The following LMBRD1 variants were observed in gnomAD, a reference collection of about 807,000 sequenced individuals.
LMBRD1 encodes lysosomal cobalamin transport escort protein LMBD1.
Under a neutral mutation model 74.8 loss-of-function variants are expected in LMBRD1, and 64 were observed. The observed-to-expected ratio is 0.86, with a 90% CI of 0.70 to 1.05. The LOEUF (loss-of-function observed/expected upper bound fraction) is 1.05, where lower values mean the gene tolerates loss of function less well. LMBRD1 is among the 50% of genes least tolerant of loss of function. The probability of loss-of-function intolerance (pLI) is 0.00; values close to 1 mark genes in which losing one functional copy is unlikely to be tolerated. For missense variants in LMBRD1, 652 were observed against 645.9 expected (o/e 1.01, Z -0.10); for synonymous variants, 204 against 216.3 (o/e 0.94, Z 0.50).
At chr6:69,794,146 A>G (rs1293005752) in intron 1 of LMBRD1, among the ~76,000 whole-genome samples, 1 of 152,198 alleles carries the variant, frequency 6.6e-6, no homozygotes, top group Non-Finnish European at 1.5e-5. Flanking sequence ...ATAAATACTA[A>G]GATGCTATTT....
At chr6:69,716,239 T>C (rs1310539915) in intron 8 of LMBRD1, among the ~76,000 whole-genome samples, 3 of 152,198 alleles carry the variant, frequency 2.0e-5, no homozygotes, top group Non-Finnish European at 2.9e-5. Context: ...CTACCAACAG[T>C]GTTTAAGCCT....
intron 14 of LMBRD1, among the ~76,000 whole-genome samples, chr6:69,691,643 G>A (rs1243473711): frequency 2.6e-5 from 4 of 152,140 alleles, no homozygotes; most frequent in African/African-American, 9.7e-5. Flanking sequence ...TTGGGAGGCT[G>A]AGGCAGGCAG....
rs67075550 is a variant in LMBRD1 at position 69,691,147 on chromosome 6, C to CTTTTTTTTTTTTTTTT, written c.1417+6415_1417+6416insAAAAAAAAAAAAAAAA. On this transcript the variant is annotated intron_variant, in intron 14 of 15. Coordinates refer to ENST00000649934, the MANE Select transcript of LMBRD1 (RefSeq NM_018368.4). ...TAAAAAGCAGCAACGGCCTCTCTCT[C>CTTTTTTTTTTTTTTTT]TCTTTTTTTTTTTAACAATTTAAAG... 1.4e-5 allele frequency among the ~76,000 whole-genome samples: 2 copies of CTTTTTTTTTTTTTTTT among 138,526 alleles called. 1 individual carries two copies. The highest frequency in any genetic ancestry group is 3.0e-5 in the Non-Finnish European group (2 of 65,612). The allele number at this position is 138,526 out of a possible 152,430, so 90.9% of individuals were successfully genotyped here.
intron 14 of LMBRD1, among the ~76,000 whole-genome samples, chr6:69,689,165 G>C (rs1765827868): frequency 6.6e-6 from 1 of 152,090 alleles, no homozygotes; most frequent in South Asian, 2.1e-4. Flanking sequence ...GAGAAGGAAA[G>C]AAGTTCAATC....
Position 69,722,922 on chromosome 6 carries a change from T to C in LMBRD1, c.637-3841A>G, listed in dbSNP as rs1026027022. Among the ~76,000 whole-genome samples the C allele has an allele frequency of 5.3e-5, 8 of 152,156 alleles. No individual in the cohort carries two copies. The East Asian group carries it at 5.8e-4, about 11-fold the overall frequency. Reference sequence around the variant, plus strand: ...GAATGGATAAGAAATCCAAGACCCATTGATCTGTTGCCTACAAGAAATACA... The same window carrying C: ...GAATGGATAAGAAATCCAAGACCCACTGATCTGTTGCCTACAAGAAATACA... On this transcript the variant is annotated intron_variant, in intron 7 of 15. Coordinates refer to ENST00000649934, the MANE Select transcript of LMBRD1 (RefSeq NM_018368.4).
intron 3 of LMBRD1, among the ~76,000 whole-genome samples, chr6:69,768,088 T>G (rs1264368730): frequency 2.6e-5 from 4 of 151,960 alleles, no homozygotes; most frequent in African/African-American, 7.2e-5. Flanking sequence ...CTAAGGTGTT[T>G]CTCTTATAGA....
At chr6:69,724,283 G>A (rs1180899782) in intron 7 of LMBRD1, among the ~76,000 whole-genome samples, 5 of 148,474 alleles carry the variant, frequency 3.4e-5, no homozygotes, top group South Asian at 4.3e-4. Context: ...TCCAAAATAC[G>A]GAGGAGGAGG....
chr6:69,726,882 G>A (rs1358130862), intron 7 of LMBRD1, among the ~76,000 whole-genome samples: 1 of 152,198 alleles, frequency 6.6e-6, no homozygotes, highest in African/African-American at 2.4e-5. Flanking sequence ...GGCTGGGCAA[G>A]GTGGCACATG....
rs554008206 is a variant in LMBRD1 at position 69,698,819 on chromosome 6, A to G, written c.1338+224T>C. 1.4e-4 allele frequency among the ~76,000 whole-genome samples: 21 copies of G among 152,000 alleles called. 1 individual carries two copies. In the South Asian group the frequency reaches 4.4e-3, roughly 31 times the overall value. On this transcript the variant is annotated intron_variant, in intron 13 of 15. Transcript: ENST00000649934. ...TCAGTAGCTTAGCACCATGGGACCCATTTAAGAAACTACTGTAATGAAATT... is the reference window on the plus strand; with the variant it reads ...TCAGTAGCTTAGCACCATGGGACCCGTTTAAGAAACTACTGTAATGAAATT...
chr6:69,774,392 T>C lies in LMBRD1; in HGVS notation c.307+6102A>G, dbSNP rs559594301. On this transcript the variant is annotated intron_variant, in intron 3 of 15. Coordinates refer to ENST00000649934, the MANE Select transcript of LMBRD1 (RefSeq NM_018368.4). Reference sequence around the variant, plus strand: ...GCAGTGGGAGAACAGGCTAATAACATGAGGAATTGATAGGCCAGTTACAGA... The same window carrying C: ...GCAGTGGGAGAACAGGCTAATAACACGAGGAATTGATAGGCCAGTTACAGA... 2.0e-5 allele frequency among the ~76,000 whole-genome samples: 3 copies of C among 152,300 alleles called. No homozygotes were observed. The South Asian group carries it at 6.2e-4, about 32-fold the overall frequency.
rs138457266 is a variant in LMBRD1 at position 69,681,907 on chromosome 6, G to T, written c.1418-5366C>A. ...TTATTTATAAAATGGTTTTAAGAAA[G>T]AATAACAAGAGTGGAGTACAGACTA... is the stretch of plus-strand genomic sequence containing the variant. On this transcript the variant is annotated intron_variant, in intron 14 of 15. Coordinates refer to ENST00000649934, the MANE Select transcript of LMBRD1 (RefSeq NM_018368.4). Among the ~76,000 whole-genome samples the T allele has an allele frequency of 7.0e-4, 106 of 152,010 alleles. 1 individual carries two copies. The East Asian group carries it at 0.017, about 25-fold the overall frequency.
intron 3 of LMBRD1, among the ~76,000 whole-genome samples, chr6:69,765,197 C>G (rs1765454189): frequency 6.6e-6 from 1 of 152,110 alleles, no homozygotes; most frequent in African/African-American, 2.4e-5. Context: ...TCCCCAAGTG[C>G]TGGGATTACA....
chr6:69,704,734 T>G (rs1766211814), intron 9 of LMBRD1, among the ~76,000 whole-genome samples: 1 of 152,162 alleles, frequency 6.6e-6, no homozygotes, highest in Non-Finnish European at 1.5e-5. Flanking sequence ...ATTAGGACTC[T>G]ATTTTCAATC....
At position 69,729,199 on chromosome 6, in the gene LMBRD1, T is replaced by C. The variant is rs77887282; in HGVS notation, c.636+8743A>G. ...AACATACACATTTTATTCCATGTAG[T>C]GCCCTCATCTAGAATGCCCACCTTC... On this transcript the variant is annotated intron_variant, in intron 7 of 15. Coordinates refer to ENST00000649934, the MANE Select transcript of LMBRD1 (RefSeq NM_018368.4). Among the ~76,000 whole-genome samples the C allele has an allele frequency of 1.9e-3, 277 of 146,806 alleles. 2 individuals are homozygous for C. Among genetic ancestry groups the C allele is most frequent in the African/African-American group, 6.6e-3 (261 of 39,574 alleles).
intron 14 of LMBRD1, 63 bp downstream of exon 14, chr6:69,697,499 AC>A (rs747036828): frequency 2.7e-6 from 3 of 1,126,166 alleles, no homozygotes. Context: ...AATGATTAAC[AC>A]AGCAAAATGC....
At chr6:69,747,772 C>T (rs908868794) in intron 5 of LMBRD1, among the ~76,000 whole-genome samples, 1 of 152,332 alleles carries the variant, frequency 6.6e-6, no homozygotes, top group Admixed American at 6.5e-5. Context: ...GTTTCAAAAA[C>T]GTATGAGCTA....
In LMBRD1 at chr6:69,676,510, G is replaced by T. The variant is rs2149832449; in HGVS notation, c.1449C>A (p.Phe483Leu). 1 of 1,613,394 alleles carries T rather than the reference G, an allele frequency of 6.2e-7. No individual in the cohort carries two copies. Among genetic ancestry groups the T allele is most frequent in the East Asian group, 2.2e-5 (1 of 44,806 alleles). Residue 483 changes from phenylalanine to leucine, a missense_variant, in exon 15 of 16, where the codon TTC (phenylalanine) becomes TTA (leucine). Around this residue, in one of 3 missense-constraint regions of LMBRD1, gnomAD observed 598 missense variants for 581.8 expected, o/e 1.03. Transcript: ENST00000649934. Reference sequence around the variant, plus strand: ...CACTGAAGAACCAGAACTTGTGAAGGAATAGGTATGTCCGGGTAACAGTAC... The same window carrying T: ...CACTGAAGAACCAGAACTTGTGAAGTAATAGGTATGTCCGGGTAACAGTAC... ...DQCTVTRTYL[F>L]LHKFWFFSAA...
intron 7 of LMBRD1, among the ~76,000 whole-genome samples, chr6:69,726,160 C>A (rs963664183): frequency 6.6e-6 from 1 of 152,146 alleles, no homozygotes; most frequent in Non-Finnish European, 1.5e-5. Context: ...CGGAGAAATG[C>A]AAATCAAAAC....
chr6:69,754,992 T>G (rs954451724), intron 3 of LMBRD1, among the ~76,000 whole-genome samples: 22 of 152,168 alleles, frequency 1.4e-4, no homozygotes, highest in Admixed American at 1.1e-3. Flanking sequence ...GGAGTGTAAA[T>G]TAGTTCAACC....
Sources: gnomAD v4.1 joint callset for allele counts (sites outside exome capture counted in the v4.1 genomes callset) on GRCh38, gnomAD v4.1.1 for gene constraint, gnomAD v4.1.1 regional missense constraint, MANE v1.5 for transcripts, NCBI Gene and HGNC (gene_info 2026-07-23, HGNC 2026-07-21) for gene names.